Variants in LINGO2 observed in about 807,000 individuals in gnomAD.
LINGO2 encodes leucine rich repeat and Ig domain containing 2.
Under a neutral mutation model 30.6 loss-of-function variants are expected in LINGO2, and 14 were observed. The ratio of observed to expected loss-of-function variants is 0.46; its 90% CI spans 0.30 to 0.72. The LOEUF (loss-of-function observed/expected upper bound fraction) is 0.72, where lower values mean the gene tolerates loss of function less well. Ranked by LOEUF, LINGO2 falls within the 30% of genes least tolerant of loss-of-function variation. LINGO2 has a pLI of 0.07. For synonymous variants in LINGO2, 317 were observed against 288.5 expected (o/e 1.10, Z -1.00); for missense variants, 729 against 751.7 (o/e 0.97, Z 0.35).
At chr9:28,331,077 A>G (rs1464453169) in intron 3 of LINGO2, among the ~76,000 whole-genome samples, 2 of 151,968 alleles carry the variant, frequency 1.3e-5, no homozygotes, top group African/African-American at 4.8e-5. Context: ...TTTATTAAGT[A>G]ATCTAATAAT....
At chr9:28,869,150 G>C in the LINGO2 span, among the ~76,000 whole-genome samples, 1 of 151,978 alleles carries the variant, frequency 6.6e-6, no homozygotes, top group Non-Finnish European at 1.5e-5. Flanking sequence ...ATTCATCAAA[G>C]ATGTTTTGAG....
the LINGO2 span, among the ~76,000 whole-genome samples, chr9:28,675,645 C>A: frequency 6.6e-6 from 1 of 151,660 alleles, no homozygotes. Flanking sequence ...CTGAGACGAG[C>A]AGATCACCTG....
chr9:28,004,563 T>A (rs1001150185), intron 5 of LINGO2, among the ~76,000 whole-genome samples: 5 of 152,158 alleles, frequency 3.3e-5, no homozygotes, highest in African/African-American at 1.2e-4. Flanking sequence ...GCGTTGATGG[T>A]AAGGAGTGTG....
chr9:28,313,267 G>A (rs1338308263), intron 3 of LINGO2, among the ~76,000 whole-genome samples: 1 of 152,154 alleles, frequency 6.6e-6, no homozygotes, highest in Non-Finnish European at 1.5e-5. Context: ...CACACTCACA[G>A]TATTCAGGGA....
chr9:27,963,145 A>T (rs1819928814), intron 5 of LINGO2, among the ~76,000 whole-genome samples: 2 of 152,150 alleles, frequency 1.3e-5, no homozygotes. Flanking sequence ...TATGATTCTC[A>T]CTATTTCCTC....
chr9:28,308,895 C>G (rs960613726), intron 3 of LINGO2, among the ~76,000 whole-genome samples: 4 of 152,114 alleles, frequency 2.6e-5, no homozygotes, highest in Admixed American at 6.5e-5. Flanking sequence ...CCATCTCACA[C>G]CAGTTAGAAT....
chr9:28,300,409 G>C (rs1824096665), intron 3 of LINGO2, among the ~76,000 whole-genome samples: 1 of 152,104 alleles, frequency 6.6e-6, no homozygotes, highest in Admixed American at 6.6e-5. Flanking sequence ...TGATACTCAA[G>C]CACAATTCTC....
At chr9:28,633,028 G>A (rs1827075063) in intron 1 of LINGO2, among the ~76,000 whole-genome samples, 1 of 151,322 alleles carries the variant, frequency 6.6e-6, no homozygotes, top group Admixed American at 6.6e-5. Flanking sequence ...ACTGAAGAAT[G>A]TGGAGTCCAG....
At chr9:28,008,674 A>T (rs1316357394) in intron 5 of LINGO2, among the ~76,000 whole-genome samples, 1 of 152,174 alleles carries the variant, frequency 6.6e-6, no homozygotes, top group Non-Finnish European at 1.5e-5. Flanking sequence ...TAAAAAATTG[A>T]ATTTCCAATA....
At chr9:28,807,751 A>G in the LINGO2 span, among the ~76,000 whole-genome samples, 7 of 152,210 alleles carry the variant, frequency 4.6e-5, no homozygotes, top group Non-Finnish European at 5.9e-5. Context: ...TATTATAATC[A>G]TTGTGTAAAA....
intron 1 of LINGO2, among the ~76,000 whole-genome samples, chr9:28,520,005 C>T (rs937662516): frequency 6.6e-6 from 1 of 152,062 alleles, no homozygotes; most frequent in African/African-American, 2.4e-5. Flanking sequence ...CTATTAATTT[C>T]ATATTTTGAT....
At position 28,039,868 on chromosome 9, in the gene LINGO2, A is replaced by T. The variant is rs1233201462; in HGVS notation, c.-86-27463T>A. ...CATTTCTGTTGTCTTTCCTCTTTGG[A>T]GTGTCCCTCTCTGACCCACCCCCTT... On this transcript the variant is annotated intron_variant, in intron 4 of 5. Transcript: ENST00000379992. Among the ~76,000 whole-genome samples the T allele has an allele frequency of 2.6e-5, 4 of 152,124 alleles. No individual in the cohort carries two copies. In the South Asian group the frequency reaches 8.3e-4, roughly 32 times the overall value.
intron 2 of LINGO2, among the ~76,000 whole-genome samples, chr9:28,469,282 AG>A (rs1285819896): frequency 6.6e-6 from 1 of 151,952 alleles, no homozygotes; most frequent in Non-Finnish European, 1.5e-5. Flanking sequence ...AAAAAAAAAA[AG>A]AGTAAAGAAA....
At chr9:28,695,214 AACTT>A in the LINGO2 span, among the ~76,000 whole-genome samples, 3 of 151,964 alleles carry the variant, frequency 2.0e-5, no homozygotes, top group African/African-American at 7.2e-5. Flanking sequence ...TCCTCACAAA[AACTT>A]AGTATATTCA....
intron 2 of LINGO2, among the ~76,000 whole-genome samples, chr9:28,394,328 C>T (rs535818543): frequency 2.2e-4 from 33 of 152,224 alleles, no homozygotes; most frequent in African/African-American, 6.0e-4. Flanking sequence ...AGATATGAAA[C>T]GTAGTTACTG....
intron 1 of LINGO2, among the ~76,000 whole-genome samples, chr9:28,632,843 C>T (rs1021636341): frequency 1.3e-5 from 1 of 76,932 alleles, no homozygotes; most frequent in African/African-American, 6.4e-5. Context: ...ATATATAAAT[C>T]TATATATATT....
At chr9:28,257,590 G>A (rs955823525) in intron 4 of LINGO2, among the ~76,000 whole-genome samples, 1 of 151,818 alleles carries the variant, frequency 6.6e-6, no homozygotes, top group Non-Finnish European at 1.5e-5. Context: ...TAACATTTTG[G>A]CAATGATGGA....
chr9:28,271,001 A>C (rs1228839997), intron 4 of LINGO2, among the ~76,000 whole-genome samples: 1 of 152,120 alleles, frequency 6.6e-6, no homozygotes, highest in Admixed American at 6.6e-5. Flanking sequence ...CAATAAAGGA[A>C]AATAGTAATA....
chr9:28,981,361 T>C, the LINGO2 span, among the ~76,000 whole-genome samples: 1 of 85,202 alleles, frequency 1.2e-5, no homozygotes, highest in South Asian at 3.6e-4. Flanking sequence ...TTTCCTCTAC[T>C]TAAGATCCTT....
Sources: gnomAD v4.1 joint callset for allele counts (sites outside exome capture counted in the v4.1 genomes callset) on GRCh38, gnomAD v4.1.1 for gene constraint, MANE v1.5 for transcripts, NCBI Gene and HGNC (gene_info 2026-07-23, HGNC 2026-07-21) for gene names.